SH3RF3: variants seen among roughly 807,000 people sequenced by gnomAD.
The protein encoded by SH3RF3 is SH3 domain containing ring finger 3, also known as E3 ubiquitin-protein ligase SH3RF3.
Under a neutral mutation model 66.3 loss-of-function variants are expected in SH3RF3, and 29 were observed. That is an observed-to-expected ratio of 0.44 (90% CI 0.33 to 0.60). The LOEUF (loss-of-function observed/expected upper bound fraction) is 0.60, where lower values mean the gene tolerates loss of function less well. Ranked by LOEUF, SH3RF3 falls within the 20% of genes least tolerant of loss-of-function variation. SH3RF3 has a pLI of 0.04. For missense variants in SH3RF3, 1,194 were observed against 1,190.9 expected (o/e 1.00, Z -0.04); for synonymous variants, 583 against 532.0 (o/e 1.10, Z -1.32).
Position 109,428,769 on chromosome 2 carries a change from C to T in SH3RF3, c.1404-3732C>T, listed in dbSNP as rs1445681251. Reference sequence around the variant, plus strand: ...CATGCAGGGTGGCCTTGGCTGGTCTCGAGTGTTATGGAGATGCCCTGAGCA... The same window carrying T: ...CATGCAGGGTGGCCTTGGCTGGTCTTGAGTGTTATGGAGATGCCCTGAGCA... On this transcript the variant is annotated intron_variant, in intron 5 of 9. Coordinates refer to ENST00000309415, the MANE Select transcript of SH3RF3 (RefSeq NM_001099289.3). Among the ~76,000 whole-genome samples the T allele has an allele frequency of 2.6e-5, 4 of 152,118 alleles. 1 individual carries two copies. The highest frequency in any genetic ancestry group is 6.3e-3 in the Middle Eastern group (2 of 316).
In SH3RF3 at chr2:109,260,632, C is replaced by CT. The variant is rs575148640; in HGVS notation, c.574-87041dup. Among the ~76,000 whole-genome samples, 10 of 152,274 alleles carry CT rather than the reference C, an allele frequency of 6.6e-5. No individual in the cohort carries two copies. The South Asian group carries it at 1.9e-3, about 28-fold the overall frequency. On this transcript the variant is annotated intron_variant, in intron 1 of 9. Transcript: ENST00000309415. ...ATCTGACTGGTGAGGTGGCCCATGGCTGAGAGCTGACAGGCTGTCCAGGGC... is the reference window on the plus strand; with the variant it reads ...ATCTGACTGGTGAGGTGGCCCATGGCTTGAGAGCTGACAGGCTGTCCAGGGC...
chr2:109,153,111 C>T (rs1677260223), intron 1 of SH3RF3, among the ~76,000 whole-genome samples: 2 of 152,182 alleles, frequency 1.3e-5, no homozygotes, highest in South Asian at 4.1e-4. Context: ...AACCCATTCC[C>T]AATGGAGGGG....
intron 1 of SH3RF3, among the ~76,000 whole-genome samples, chr2:109,156,006 C>T (rs1271337326): frequency 2.0e-5 from 3 of 152,204 alleles, no homozygotes; most frequent in African/African-American, 7.2e-5. Flanking sequence ...GCCCCAGAGC[C>T]CCATGCTTCC....
chr2:109,349,431 G>A (rs1682793270), intron 2 of SH3RF3, among the ~76,000 whole-genome samples: 1 of 152,140 alleles, frequency 6.6e-6, no homozygotes, highest in African/African-American at 2.4e-5. Flanking sequence ...GTCGGAGGGC[G>A]AGAGCAACAG....
At chr2:109,394,873 G>T (rs548314757) in intron 3 of SH3RF3, among the ~76,000 whole-genome samples, 1 of 152,246 alleles carries the variant, frequency 6.6e-6, no homozygotes. Flanking sequence ...AACTTGCAGA[G>T]TGAGGAGCTG....
At chr2:109,359,266 C>T (rs1683009104) in intron 2 of SH3RF3, among the ~76,000 whole-genome samples, 1 of 152,200 alleles carries the variant, frequency 6.6e-6, no homozygotes, top group African/African-American at 2.4e-5. Flanking sequence ...TCTCTTGCCT[C>T]TCCATATAAA....
intron 8 of SH3RF3, among the ~76,000 whole-genome samples, chr2:109,477,343 G>C (rs1678709843): frequency 6.6e-6 from 1 of 152,186 alleles, no homozygotes; most frequent in Non-Finnish European, 1.5e-5. Context: ...CATGAAAAAA[G>C]TGACAGGTAT....
chr2:109,484,080 T>G (rs1678905715), intron 8 of SH3RF3, among the ~76,000 whole-genome samples: 1 of 150,194 alleles, frequency 6.7e-6, no homozygotes, highest in African/African-American at 2.5e-5. Flanking sequence ...TTTTTTTTTT[T>G]TTTTTGAGAC....
chr2:109,427,085 T>TA (rs1017325794), intron 5 of SH3RF3, among the ~76,000 whole-genome samples: 5 of 152,198 alleles, frequency 3.3e-5, no homozygotes, highest in African/African-American at 1.2e-4. Context: ...TCTCTGGCCC[T>TA]AGCCTCCCTA....
At chr2:109,368,092 T>G (rs1291334968) in intron 2 of SH3RF3, among the ~76,000 whole-genome samples, 1 of 152,256 alleles carries the variant, frequency 6.6e-6, no homozygotes, top group African/African-American at 2.4e-5. Flanking sequence ...AAATTTGTTT[T>G]TCTTCTTTCA....
intron 1 of SH3RF3, among the ~76,000 whole-genome samples, chr2:109,221,751 A>G (rs528414002): frequency 6.6e-6 from 1 of 152,274 alleles, no homozygotes; most frequent in East Asian, 1.9e-4. Flanking sequence ...CACATATACT[A>G]TTGGTGGGAA....
intron 1 of SH3RF3, among the ~76,000 whole-genome samples, chr2:109,201,935 A>T (rs1275849616): frequency 6.6e-6 from 1 of 152,214 alleles, no homozygotes; most frequent in African/African-American, 2.4e-5. Flanking sequence ...GTGGCATCAT[A>T]AAAAAACTGG....
intron 8 of SH3RF3, among the ~76,000 whole-genome samples, chr2:109,472,682 T>G (rs1678556297): frequency 6.6e-6 from 1 of 152,216 alleles, no homozygotes; most frequent in South Asian, 2.1e-4. Flanking sequence ...TTTTCCTGTT[T>G]CATTCCAGAC....
chr2:109,475,224 G>A (rs567736621), intron 8 of SH3RF3, among the ~76,000 whole-genome samples: 110 of 152,224 alleles, frequency 7.2e-4, no homozygotes, highest in African/African-American at 2.6e-3. Context: ...TGATCCACCC[G>A]CCTCGGCCTC....
chr2:109,345,207 G>A (rs928362623), intron 1 of SH3RF3, among the ~76,000 whole-genome samples: 47 of 152,256 alleles, frequency 3.1e-4, no homozygotes, highest in Admixed American at 3.1e-3. Context: ...ACCTAAGTTG[G>A]GGCCGCAGTT....
intron 7 of SH3RF3, among the ~76,000 whole-genome samples, chr2:109,442,985 T>A (rs1476810527): frequency 7.9e-5 from 12 of 152,218 alleles, no homozygotes; most frequent in Non-Finnish European, 1.5e-5. Context: ...ATACTTCAAG[T>A]CTAAAGACAT....
chr2:109,247,994 T>C (rs1289401548), intron 1 of SH3RF3, among the ~76,000 whole-genome samples: 2 of 152,272 alleles, frequency 1.3e-5, no homozygotes, highest in Non-Finnish European at 2.9e-5. Flanking sequence ...GTTGTCTCAT[T>C]AGCCAAAGGA....
chr2:109,219,525 C>G lies in SH3RF3; in HGVS notation c.573+89412C>G, dbSNP rs527403810. On this transcript the variant is annotated intron_variant, in intron 1 of 9. Transcript: ENST00000309415. ...AAAAAAGTAAAATTATCTCTGTTTG[C>G]AGATGATACGATCTTATGCATAGAA... Among the ~76,000 whole-genome samples the G allele has an allele frequency of 1.8e-3, 271 of 152,172 alleles. 2 individuals carry two copies. The highest frequency in any genetic ancestry group is 6.2e-3 in the African/African-American group (258 of 41,512).
chr2:109,487,077 C>A (rs1019282493), intron 8 of SH3RF3, among the ~76,000 whole-genome samples: 21 of 152,176 alleles, frequency 1.4e-4, no homozygotes, highest in African/African-American at 4.6e-4. Context: ...CAGAAGAAGG[C>A]AGTCAGGAAA....
Sources: gnomAD v4.1 joint callset for allele counts (sites outside exome capture counted in the v4.1 genomes callset) on GRCh38, gnomAD v4.1.1 for gene constraint, MANE v1.5 for transcripts, NCBI Gene and HGNC (gene_info 2026-07-23, HGNC 2026-07-21) for gene names.